Variants in TGFB2 observed in about 807,000 individuals in gnomAD.
TGFB2 encodes transforming growth factor beta-2 proprotein.
A neutral mutation model predicts 42.7 loss-of-function variants in TGFB2; 13 were observed. That is an observed-to-expected ratio of 0.30 (90% CI 0.20 to 0.48). The LOEUF (loss-of-function observed/expected upper bound fraction) is 0.48, where lower values mean the gene tolerates loss of function less well. Among genes scored for constraint, TGFB2 ranks in the 20% least tolerant of loss-of-function variants. The pLI is 0.99. For missense variants in TGFB2, 390 were observed against 517.5 expected, an observed-to-expected ratio of 0.75 and a Z score of 2.39; for synonymous variants, 193 against 193.6, an observed-to-expected ratio of 1.00 and a Z score of 0.03.
Position 218,434,224 on chromosome 1 carries a change from C to A in TGFB2, c.643+10C>A. 1 of 1,613,238 alleles carries A rather than the reference C, an allele frequency of 6.2e-7. No individual in the cohort carries two copies. Among genetic ancestry groups the A allele is most frequent in the Non-Finnish European group, 8.5e-7 (1 of 1,179,236 alleles). On this transcript the variant is annotated intron_variant, in intron 3 of 6. Transcript: ENST00000366930. ...TGGCTTCACCATAAAGGTTACAAGC[C>A]ACTCTCTCTTTTCCTCCCAAGATGT...
chr1:218,412,063 T>C (rs531461978), intron 2 of TGFB2, among the ~76,000 whole-genome samples: 3 of 152,290 alleles, frequency 2.0e-5, no homozygotes, highest in Admixed American at 6.5e-5. Flanking sequence ...AGTAAAGTAA[T>C]AGTCAGCCGA....
intron 2 of TGFB2, among the ~76,000 whole-genome samples, chr1:218,426,613 G>C (rs1282906001): frequency 6.6e-6 from 1 of 152,164 alleles, no homozygotes; most frequent in Non-Finnish European, 1.5e-5. Context: ...ACTGTGGGTG[G>C]CAGCTAAGCC....
At chr1:218,373,082 G>A (rs1657622209) in intron 1 of TGFB2, among the ~76,000 whole-genome samples, 1 of 152,166 alleles carries the variant, frequency 6.6e-6, no homozygotes, top group South Asian at 2.1e-4. Context: ...GGAGGCTGAG[G>A]TAGGAGAATC....
At chr1:218,397,390 C>T (rs1178228407) in intron 1 of TGFB2, among the ~76,000 whole-genome samples, 1 of 151,786 alleles carries the variant, frequency 6.6e-6, no homozygotes, top group East Asian at 1.9e-4. Flanking sequence ...GGTGAAACCC[C>T]GTCTCTACTA....
intron 6 of TGFB2, among the ~76,000 whole-genome samples, chr1:218,440,544 C>A: frequency 6.6e-6 from 1 of 152,058 alleles, no homozygotes. Context: ...GCCACCGTGC[C>A]CAGCCTGTAG....
intron 2 of TGFB2, among the ~76,000 whole-genome samples, chr1:218,432,956 A>AT (rs1033263549): frequency 6.6e-6 from 1 of 152,180 alleles, no homozygotes; most frequent in Non-Finnish European, 1.5e-5. Flanking sequence ...TCAAAATAGA[A>AT]TTTTTTTAAA....
chr1:218,406,032 C>A (rs1245081922), intron 2 of TGFB2, among the ~76,000 whole-genome samples: 1 of 152,052 alleles, frequency 6.6e-6, no homozygotes, highest in African/African-American at 2.4e-5. Flanking sequence ...ATAGCTGTTT[C>A]TTTCTCCTTT....
At chr1:218,349,501 G>A (rs866357520) in intron 1 of TGFB2, among the ~76,000 whole-genome samples, 55 of 152,274 alleles carry the variant, frequency 3.6e-4, no homozygotes, top group Middle Eastern at 6.8e-3. Context: ...GTCATTCCTT[G>A]CAGTGAATCT....
At chr1:218,362,753 A>G (rs1180415641) in intron 1 of TGFB2, among the ~76,000 whole-genome samples, 3 of 152,236 alleles carry the variant, frequency 2.0e-5, no homozygotes, top group African/African-American at 7.2e-5. Context: ...TTCCAGATGT[A>G]ATAACTATTG....
intron 2 of TGFB2, among the ~76,000 whole-genome samples, chr1:218,423,556 T>C (rs575569605): frequency 6.6e-6 from 1 of 152,286 alleles, no homozygotes; most frequent in East Asian, 1.9e-4. Flanking sequence ...GGGAAAGGCA[T>C]TCTGATAGGG....
chr1:218,356,703 T>C (rs1265538315), intron 1 of TGFB2, among the ~76,000 whole-genome samples: 1 of 152,168 alleles, frequency 6.6e-6, no homozygotes, highest in African/African-American at 2.4e-5. Flanking sequence ...GTTTCGCTTC[T>C]CCTCACAGGT....
rs1360903200 is a variant in TGFB2 at position 218,442,653 on chromosome 1, C to G, written c.*1291C>G. 1 of 151,342 alleles carries G rather than the reference C, an allele frequency of 6.6e-6. No individual in the cohort carries two copies. Among genetic ancestry groups the G allele is most frequent in the Non-Finnish European group, 1.5e-5 (1 of 67,896 alleles). The allele number at this position is 151,342 out of a possible 1,614,324, so 9.4% of individuals were successfully genotyped here. On this transcript the variant is annotated 3_prime_UTR_variant, in exon 7 of 7. Coordinates refer to ENST00000366930, the MANE Select transcript of TGFB2 (RefSeq NM_003238.6). ...CTTTCATTATTATGACATAAGCTAC[C>G]TGGGTCCACTTGTCTTTTCTTTTTT...
In TGFB2 at chr1:218,441,867, T is replaced by TGG. The variant is rs1660165180; in HGVS notation, c.*506_*507insGG. On this transcript the variant is annotated 3_prime_UTR_variant, in exon 7 of 7. Transcript: ENST00000366930. ...TGTTACTATATAATGAACGTTTCATTGCCCTTGGAAAATAAAACAGGTGTA... is the reference window on the plus strand; with the variant it reads ...TGTTACTATATAATGAACGTTTCATTGGGCCCTTGGAAAATAAAACAGGTGTA... The TGG allele has an allele frequency of 6.6e-6, 1 of 152,276 alleles. No homozygotes were observed. The highest frequency in any genetic ancestry group is 2.4e-5 in the African/African-American group (1 of 41,434). 9.4% of individuals were successfully genotyped at this position (152,276 alleles called of 1,614,324 possible).
At chr1:218,434,996 T>C (rs1206968474) in intron 4 of TGFB2, among the ~76,000 whole-genome samples, 1 of 152,214 alleles carries the variant, frequency 6.6e-6, no homozygotes, top group Non-Finnish European at 1.5e-5. Context: ...AAAAATGTTT[T>C]GGCTTTCCCC....
intron 1 of TGFB2, among the ~76,000 whole-genome samples, chr1:218,377,529 T>C (rs1657781830): frequency 1.3e-5 from 2 of 152,080 alleles, no homozygotes; most frequent in South Asian, 4.1e-4. Flanking sequence ...CCCCACCAGC[T>C]CCACCCCCAA....
intron 2 of TGFB2, among the ~76,000 whole-genome samples, chr1:218,414,497 A>C (rs1252954333): frequency 6.6e-6 from 1 of 152,088 alleles, no homozygotes; most frequent in Non-Finnish European, 1.5e-5. Context: ...CACCTAAAAA[A>C]AGAATAAAAA....
At chr1:218,398,444 A>C (rs1213370206) in intron 1 of TGFB2, among the ~76,000 whole-genome samples, 1 of 152,146 alleles carries the variant, frequency 6.6e-6, no homozygotes, top group African/African-American at 2.4e-5. Context: ...TCATTGGGGG[A>C]CTTCTTGCAA....
chr1:218,417,520 G>A (rs1054431975), intron 2 of TGFB2, among the ~76,000 whole-genome samples: 3 of 152,210 alleles, frequency 2.0e-5, no homozygotes, highest in Non-Finnish European at 4.4e-5. Flanking sequence ...GCCTGACAAT[G>A]TAATAGAAAA....
chr1:218,407,517 C>T (rs1220812807), intron 2 of TGFB2, among the ~76,000 whole-genome samples: 1 of 152,186 alleles, frequency 6.6e-6, no homozygotes, highest in East Asian at 1.9e-4. Context: ...CCAGCCGTTG[C>T]TCGTCGCCCC....
Sources: allele counts gnomAD v4.1 joint callset (sites outside exome capture counted in the v4.1 genomes callset), GRCh38; gene constraint gnomAD v4.1.1; transcripts MANE v1.5; gene names NCBI Gene and HGNC (gene_info 2026-07-23, HGNC 2026-07-21).